YAF2: variants seen among roughly 807,000 people sequenced by gnomAD.
YAF2 encodes YY1-associated factor 2.
A neutral mutation model predicts 20.1 loss-of-function variants in YAF2; 7 were observed. The observed-to-expected ratio is 0.35, with a 90% CI of 0.20 to 0.65. YAF2 has a LOEUF of 0.65. Ranked by LOEUF, YAF2 falls within the 30% of genes least tolerant of loss-of-function variation. The pLI is 0.69. For synonymous variants in YAF2, 74 were observed against 76.0 expected, an observed-to-expected ratio of 0.97 and a Z score of 0.14; for missense variants, 151 against 219.2, an observed-to-expected ratio of 0.69 and a Z score of 1.96.
intron 2 of YAF2, among the ~76,000 whole-genome samples, chr12:42,193,712 C>T (rs551797187): frequency 4.1e-4 from 63 of 152,196 alleles, no homozygotes; most frequent in African/African-American, 1.4e-3. Context: ...CCCTGTTGCC[C>T]AGGCTGGTTT....
chr12:42,170,289 C>G (rs77155289), intron 2 of YAF2, among the ~76,000 whole-genome samples: 2,340 of 152,276 alleles, frequency 0.015, 59 homozygotes, highest in African/African-American at 0.054. Flanking sequence ...AAGCTCAGAG[C>G]CTGATAGGCA....
chr12:42,184,357 T>A (rs867790255), intron 2 of YAF2, among the ~76,000 whole-genome samples: 7 of 152,206 alleles, frequency 4.6e-5, no homozygotes, highest in Non-Finnish European at 7.3e-5. Context: ...TCACCCAGGC[T>A]GGAGTGCAGT....
At chr12:42,167,588 C>T (rs2065945292) in intron 2 of YAF2, among the ~76,000 whole-genome samples, 1 of 152,190 alleles carries the variant, frequency 6.6e-6, no homozygotes, top group African/African-American at 2.4e-5. Context: ...CATATTAAAA[C>T]AATACACATA....
intron 2 of YAF2, among the ~76,000 whole-genome samples, chr12:42,198,073 C>T (rs982314714): frequency 5.9e-5 from 9 of 151,942 alleles, no homozygotes; most frequent in African/African-American, 1.9e-4. Context: ...CTAGGGAAAG[C>T]ATATCCAATC....
chr12:42,158,093 C>T lies in YAF2; in HGVS notation c.*2496G>A, dbSNP rs1441278369. 6.6e-6 allele frequency: 1 copy of T among 152,168 alleles called. No individual in the cohort carries two copies. Among genetic ancestry groups the T allele is most frequent in the African/African-American group, 2.4e-5 (1 of 41,436 alleles). 9.4% of individuals were successfully genotyped at this position (152,168 alleles called of 1,614,324 possible). On this transcript the variant is annotated 3_prime_UTR_variant, in exon 4 of 4. Transcript: ENST00000534854. ...GTTCTGAATCTTTCGCATATTTTAA[C>T]GTCAGTTCTGTTTATGGAATTTGGG...
intron 2 of YAF2, among the ~76,000 whole-genome samples, chr12:42,214,464 G>C (rs1337132694): frequency 1.3e-5 from 2 of 151,740 alleles, no homozygotes; most frequent in Admixed American, 1.3e-4. Flanking sequence ...TAGAGATGGG[G>C]TTTTGCCACG....
intron 2 of YAF2, among the ~76,000 whole-genome samples, chr12:42,211,518 C>T (rs1236457911): frequency 6.6e-6 from 1 of 151,070 alleles, no homozygotes; most frequent in East Asian, 1.9e-4. Context: ...AGGTGGATCA[C>T]CTGAGGTTGG....
chr12:42,192,305 C>A (rs1267401016), intron 2 of YAF2, among the ~76,000 whole-genome samples: 3 of 151,442 alleles, frequency 2.0e-5, no homozygotes, highest in Non-Finnish European at 4.4e-5. Context: ...CCCAGGAGAT[C>A]AAGACCAGCC....
chr12:42,169,195 T>C (rs1262909576), intron 2 of YAF2, among the ~76,000 whole-genome samples: 1 of 152,192 alleles, frequency 6.6e-6, no homozygotes, highest in Non-Finnish European at 1.5e-5. Context: ...CAGCTTTCAG[T>C]CCTCATCTTA....
chr12:42,169,645 T>C (rs746718893), intron 2 of YAF2, among the ~76,000 whole-genome samples: 1 of 152,108 alleles, frequency 6.6e-6, no homozygotes, highest in Non-Finnish European at 1.5e-5. Flanking sequence ...ACTCCTGGAC[T>C]CAAGAGATCC....
chr12:42,194,841 G>T (rs982310166), intron 2 of YAF2, among the ~76,000 whole-genome samples: 4 of 152,074 alleles, frequency 2.6e-5, no homozygotes, highest in Admixed American at 6.6e-5. Context: ...GTTCAATTTT[G>T]CATAAGTTTG....
intron 2 of YAF2, among the ~76,000 whole-genome samples, chr12:42,226,989 A>ACAGTC (rs1555165132): frequency 6.7e-6 from 1 of 148,326 alleles, no homozygotes; most frequent in African/African-American, 2.5e-5. Flanking sequence ...CGGAGCCGGG[A>ACAGTC]CAGTCGCGGC....
intron 2 of YAF2, among the ~76,000 whole-genome samples, chr12:42,221,892 C>T (rs535719681): frequency 5.6e-4 from 86 of 152,282 alleles, no homozygotes; most frequent in African/African-American, 1.9e-3. Context: ...CCTCTGAAGA[C>T]GCTCTTATCT....
At chr12:42,189,845 C>A (rs1193620483) in intron 2 of YAF2, among the ~76,000 whole-genome samples, 3 of 152,040 alleles carry the variant, frequency 2.0e-5, no homozygotes, top group Non-Finnish European at 4.4e-5. Flanking sequence ...TAGTCTAAGA[C>A]AAGCACATTT....
At chr12:42,185,715 G>T (rs1469328253) in intron 2 of YAF2, among the ~76,000 whole-genome samples, 1 of 152,086 alleles carries the variant, frequency 6.6e-6, no homozygotes, top group East Asian at 1.9e-4. Flanking sequence ...TTAAATTAAG[G>T]TATATACATT....
intron 2 of YAF2, among the ~76,000 whole-genome samples, chr12:42,189,076 G>C (rs1205327009): frequency 6.6e-6 from 1 of 152,184 alleles, no homozygotes; most frequent in Non-Finnish European, 1.5e-5. Flanking sequence ...ACTGAGCTTA[G>C]AGTGTGTGTA....
chr12:42,215,434 C>A (rs1457265180), intron 2 of YAF2, among the ~76,000 whole-genome samples: 1 of 152,014 alleles, frequency 6.6e-6, no homozygotes, highest in African/African-American at 2.4e-5. Flanking sequence ...AGAAAAAAAA[C>A]TCCAGTGTAC....
Position 42,196,340 on chromosome 12 carries a change from C to A in YAF2, c.153-34575G>T, listed in dbSNP as rs543163455. Among the ~76,000 whole-genome samples, 5 of 151,004 alleles carry A rather than the reference C, an allele frequency of 3.3e-5. No individual in the cohort carries two copies. The South Asian group carries it at 1.0e-3, about 32-fold the overall frequency. On this transcript the variant is annotated intron_variant, in intron 2 of 3. Coordinates refer to ENST00000534854, the MANE Select transcript of YAF2 (RefSeq NM_005748.6). Reference sequence around the variant, plus strand: ...GAGCACATCACCTATAAGTGGGTGGCAAATATGGCTGGGACATGACTTTAT... The same window carrying A: ...GAGCACATCACCTATAAGTGGGTGGAAAATATGGCTGGGACATGACTTTAT...
intron 2 of YAF2, chr12:42,234,361 A>AAATTTTGGAG: frequency 1.0e-6 from 1 of 985,320 alleles, no homozygotes; most frequent in Non-Finnish European, 1.2e-6. Context: ...CAAAAGCACA[A>AAATTTTGGAG]TGTAAAAAAT....
Sources: allele counts gnomAD v4.1 joint callset (sites outside exome capture counted in the v4.1 genomes callset), GRCh38; gene constraint gnomAD v4.1.1; transcripts MANE v1.5; gene names NCBI Gene and HGNC (gene_info 2026-07-23, HGNC 2026-07-21).